Variants in WWOX observed in about 807,000 individuals in gnomAD.
The protein encoded by WWOX is WW domain containing oxidoreductase.
In WWOX, 69 loss-of-function variants were observed where a neutral mutation model predicts 46.2. That is an observed-to-expected ratio of 1.49 (90% CI 1.23 to 1.82). The LOEUF (loss-of-function observed/expected upper bound fraction) is 1.82, where lower values mean the gene tolerates loss of function less well. WWOX is among the 40% of genes most tolerant of loss of function. WWOX has a pLI of 0.00. For synonymous variants in WWOX, 359 were observed against 202.6 expected, an observed-to-expected ratio of 1.77 and a Z score of -6.56; for missense variants, 919 against 542.6, an observed-to-expected ratio of 1.69 and a Z score of -6.89.
intron 8 of WWOX, among the ~76,000 whole-genome samples, chr16:78,650,824 TGCCA>T (rs766757978): frequency 6.8e-4 from 103 of 152,344 alleles, no homozygotes; most frequent in Non-Finnish European, 1.2e-3. Flanking sequence ...TGTGGATTTT[TGCCA>T]GCCAGCCACG....
intron 5 of WWOX, among the ~76,000 whole-genome samples, chr16:78,376,004 C>T (rs1349606755): frequency 6.6e-6 from 1 of 152,074 alleles, no homozygotes; most frequent in African/African-American, 2.4e-5. Context: ...GCGCATGTCA[C>T]CATGCCTGGC....
At chr16:78,954,132 G>C (rs112470230) in intron 8 of WWOX, among the ~76,000 whole-genome samples, 263 of 152,208 alleles carry the variant, frequency 1.7e-3, no homozygotes, top group African/African-American at 5.7e-3. Context: ...GTTAAGATCT[G>C]CCATAAAAAT....
chr16:78,105,323 A>C (rs1008753682), intron 1 of WWOX, among the ~76,000 whole-genome samples: 3 of 152,244 alleles, frequency 2.0e-5, no homozygotes, highest in African/African-American at 7.2e-5. Flanking sequence ...TTATCCCGGC[A>C]TGGTGGCAGG....
Position 79,031,756 on chromosome 16 carries a change from A to C in WWOX, c.1057-179852A>C, listed in dbSNP as rs564716318. 8.1e-3 allele frequency among the ~76,000 whole-genome samples: 1,165 copies of C among 143,490 alleles called. 23 individuals carry two copies. The highest frequency in any genetic ancestry group is 0.028 in the African/African-American group (1,110 of 39,564). The allele number at this position is 143,490 out of a possible 152,430, so 94.1% of individuals were successfully genotyped here. ...GCTCTCTCTCTGTCTCTTTCTTTCT[A>C]TATATATATATAATATATAGAAAGA... On this transcript the variant is annotated intron_variant, in intron 8 of 8. Coordinates refer to ENST00000566780, the MANE Select transcript of WWOX (RefSeq NM_016373.4).
chr16:78,806,818 G>C (rs964724602), intron 8 of WWOX, among the ~76,000 whole-genome samples: 1 of 152,166 alleles, frequency 6.6e-6, no homozygotes, highest in Admixed American at 6.5e-5. Flanking sequence ...TGTGGGACTG[G>C]ACATACTGCC....
At chr16:78,420,831 G>A (rs571863781) in intron 6 of WWOX, among the ~76,000 whole-genome samples, 6 of 151,872 alleles carry the variant, frequency 4.0e-5, no homozygotes, top group African/African-American at 1.4e-4. Context: ...TAGAAAAGTT[G>A]GAAAATACCA....
intron 8 of WWOX, among the ~76,000 whole-genome samples, chr16:78,476,263 A>G (rs929649114): frequency 1.3e-5 from 2 of 152,190 alleles, no homozygotes; most frequent in Non-Finnish European, 2.9e-5. Flanking sequence ...TTGGCTGCAT[A>G]AATGTCTTCT....
At chr16:78,472,497 TG>T (rs2084248565) in intron 8 of WWOX, among the ~76,000 whole-genome samples, 1 of 152,156 alleles carries the variant, frequency 6.6e-6, no homozygotes, top group Non-Finnish European at 1.5e-5. Context: ...ATATGTGCCC[TG>T]AAGTTTTGCT....
At chr16:79,203,520 G>C (rs1555545612) in intron 8 of WWOX, 1 of 142,210 alleles carries the variant, frequency 7.0e-6, no homozygotes, top group African/African-American at 2.7e-5. Flanking sequence ...TTTCTTCAGT[G>C]CTTTTTCAGG....
At chr16:79,015,250 A>T (rs1163516257) in intron 8 of WWOX, among the ~76,000 whole-genome samples, 3 of 152,174 alleles carry the variant, frequency 2.0e-5, no homozygotes, top group Non-Finnish European at 4.4e-5. Flanking sequence ...GGGCCTAGCT[A>T]AGGGGAAAAA....
chr16:78,658,969 G>A (rs1348820267), intron 8 of WWOX, among the ~76,000 whole-genome samples: 2 of 121,576 alleles, frequency 1.6e-5, no homozygotes, highest in Non-Finnish European at 3.7e-5. Context: ...GTGCGTGCCT[G>A]TAGTCCTAGC....
chr16:78,583,220 T>C (rs1054475171), intron 8 of WWOX, among the ~76,000 whole-genome samples: 4 of 152,198 alleles, frequency 2.6e-5, no homozygotes, highest in African/African-American at 7.2e-5. Context: ...CTCTATCCCA[T>C]GGTTCAACCA....
intron 8 of WWOX, among the ~76,000 whole-genome samples, chr16:78,885,514 TC>T (rs1255478194): frequency 6.6e-6 from 1 of 152,196 alleles, no homozygotes; most frequent in East Asian, 1.9e-4. Flanking sequence ...TTCACAGTTT[TC>T]CCAGTGAAAC....
At chr16:78,578,278 ATATATATTT>A (rs2044949651) in intron 8 of WWOX, among the ~76,000 whole-genome samples, 1 of 33,830 alleles carries the variant, frequency 3.0e-5, no homozygotes, top group African/African-American at 1.4e-4. Context: ...ATATATATAT[ATATATATTT>A]TTTTTTTTTT....
chr16:78,771,207 C>G (rs780596565), intron 8 of WWOX, among the ~76,000 whole-genome samples: 66 of 152,194 alleles, frequency 4.3e-4, no homozygotes, highest in Non-Finnish European at 8.7e-4. Context: ...CCGGAACTGA[C>G]TTACTCTTTG....
chr16:78,397,437 T>A (rs1300639658), intron 6 of WWOX, among the ~76,000 whole-genome samples: 1 of 152,192 alleles, frequency 6.6e-6, no homozygotes, highest in Non-Finnish European at 1.5e-5. Context: ...TTCAGCCTGG[T>A]GCAATGATTA....
intron 8 of WWOX, among the ~76,000 whole-genome samples, chr16:78,590,146 GTC>G (rs58692243): frequency 2.0e-5 from 3 of 149,618 alleles, no homozygotes; most frequent in East Asian, 3.9e-4. Flanking sequence ...TAGGCATTCA[GTC>G]TCTCTCTCTC....
Position 78,507,997 on chromosome 16 carries a change from C to CGT in WWOX, c.1056+75275_1056+75276dup, listed in dbSNP as rs959701013. ...GTGTTTTTTGATTTTTGGTTGCGTGCGTGTGTGTGTGTGTGTGTGTGTGTG... is the reference window on the plus strand; with the variant it reads ...GTGTTTTTTGATTTTTGGTTGCGTGCGTGTGTGTGTGTGTGTGTGTGTGTGTG... On this transcript the variant is annotated intron_variant, in intron 8 of 8. Transcript: ENST00000566780. 8.2e-3 allele frequency among the ~76,000 whole-genome samples: 253 copies of CGT among 30,994 alleles called. 3 individuals carry two copies. The highest frequency in any genetic ancestry group is 0.047 in the East Asian group (24 of 506). The allele number at this position is 30,994 out of a possible 152,430, so 20.3% of individuals were successfully genotyped here. A position where few individuals can be genotyped will look rare whatever the true frequency, so the allele number is the denominator to read the frequency against.
chr16:78,676,165 G>A (rs548405929), intron 8 of WWOX, among the ~76,000 whole-genome samples: 20 of 151,958 alleles, frequency 1.3e-4, no homozygotes, highest in South Asian at 6.2e-4. Flanking sequence ...CCTGAGCGCC[G>A]TGTCTTCTCT....
Sources: gnomAD v4.1 joint callset for allele counts (sites outside exome capture counted in the v4.1 genomes callset) on GRCh38, gnomAD v4.1.1 for gene constraint, MANE v1.5 for transcripts, NCBI Gene and HGNC (gene_info 2026-07-23, HGNC 2026-07-21) for gene names.